Variants in SBK1 observed in about 807,000 individuals in gnomAD.
SBK1 encodes SH3 domain binding kinase 1.
In SBK1, 11 loss-of-function variants were observed where a neutral mutation model predicts 24.4. The observed-to-expected ratio is 0.45, with a 90% CI of 0.28 to 0.75. The LOEUF (loss-of-function observed/expected upper bound fraction) is 0.75, where lower values mean the gene tolerates loss of function less well. SBK1 is among the 30% of genes least tolerant of loss of function. The probability of loss-of-function intolerance (pLI) is 0.12; values close to 1 mark genes in which losing one functional copy is unlikely to be tolerated. For missense variants in SBK1, 467 were observed against 620.5 expected, an observed-to-expected ratio of 0.75 and a Z score of 2.63; for synonymous variants, 308 against 284.4, an observed-to-expected ratio of 1.08 and a Z score of -0.83.
chr16:28,310,041 G>C (rs1402861492), intron 1 of SBK1, among the ~76,000 whole-genome samples: 1 of 152,212 alleles, frequency 6.6e-6, no homozygotes, highest in Non-Finnish European at 1.5e-5. Flanking sequence ...CTTGCTTCTT[G>C]CTTGGGAAAC....
chr16:28,272,619 C>CTTT lies in SBK1; in HGVS notation c.257+13135_257+13137dup, dbSNP rs71140961. On this transcript the variant is annotated intron_variant, in intron 1 of 3. Coordinates refer to the SBK1 transcript ENST00000671413. ...ATTTTTTTTCTTTCTTTCTTTCTTT[C>CTTT]TTTTTTTTTTTTTTTTTTTTGAGAC... is the stretch of plus-strand genomic sequence containing the variant. Among the ~76,000 whole-genome samples, 401 of 105,962 alleles carry CTTT rather than the reference C, an allele frequency of 3.8e-3. 8 individuals are homozygous for CTTT. The highest frequency in any genetic ancestry group is 8.8e-3 in the African/African-American group (253 of 28,600). 69.5% of individuals were successfully genotyped at this position (105,962 alleles called of 152,430 possible). A position where few individuals can be genotyped will look rare whatever the true frequency, so the allele number is the denominator to read the frequency against.
At chr16:28,318,267 T>C (rs138636323) in intron 2 of SBK1, among the ~76,000 whole-genome samples, 3,173 of 152,282 alleles carry the variant, frequency 0.021, 71 homozygotes, top group African/African-American at 0.05. Flanking sequence ...GCTGGGGCTG[T>C]GTGAGCTCCC....
chr16:28,280,392 A>T (rs1386814888), intron 1 of SBK1, among the ~76,000 whole-genome samples: 1 of 148,610 alleles, frequency 6.7e-6, no homozygotes, highest in Non-Finnish European at 1.5e-5. Context: ...ATGGGATCTC[A>T]CTATGTTGCC....
intron 1 of SBK1, among the ~76,000 whole-genome samples, chr16:28,275,582 G>C (rs765174387): frequency 6.6e-6 from 1 of 151,896 alleles, no homozygotes; most frequent in Non-Finnish European, 1.5e-5. Flanking sequence ...GAAAGTCCTG[G>C]AAAAAGAATG....
chr16:28,296,894 C>T (rs554967478), intron 1 of SBK1, among the ~76,000 whole-genome samples: 1 of 152,296 alleles, frequency 6.6e-6, no homozygotes, highest in East Asian at 1.9e-4. Flanking sequence ...TCCAGGGTTC[C>T]GTTCACCCCT....
At chr16:28,304,650 C>G (rs1165694105) in intron 1 of SBK1, among the ~76,000 whole-genome samples, 1 of 152,100 alleles carries the variant, frequency 6.6e-6, no homozygotes, top group Non-Finnish European at 1.5e-5. Flanking sequence ...CTCTGTCGCC[C>G]AGGCTGGAGT....
In SBK1 at chr16:28,320,810, T is replaced by A. The variant is rs1567681837; in HGVS notation, c.1164T>A (p.Pro388=). 1 of 1,442,514 alleles carries A rather than the reference T, an allele frequency of 6.9e-7. No individual in the cohort carries two copies. Among genetic ancestry groups the A allele is most frequent in the East Asian group, 3.3e-5 (1 of 29,944 alleles). The allele number at this position is 1,442,514 out of a possible 1,614,324, so 89.4% of individuals were successfully genotyped here. ...PVPVPVPVPV[P]VPEPGLAPQG... is the part of the protein sequence containing the mutation. ...CGGTGCCAGTGCCCGTGCCGGTGCC[T>A]GTGCCCGAGCCCGGCCTAGCTCCCC... Residue 388 remains proline (P), a synonymous_variant, in exon 4 of 4, where the codon CCT becomes CCA. Transcript: ENST00000341901. This position sits in a 1 kb window ranked among gnomAD's most constrained non-coding sequence, Gnocchi z 8.5.
intron 1 of SBK1, among the ~76,000 whole-genome samples, chr16:28,287,454 A>T (rs1466206518): frequency 6.6e-6 from 1 of 151,744 alleles, no homozygotes; most frequent in East Asian, 1.9e-4. Context: ...ATCTCAAAAA[A>T]AAAAAAAAAA....
chr16:28,271,493 G>A (rs185112208), intron 1 of SBK1, among the ~76,000 whole-genome samples: 1 of 152,252 alleles, frequency 6.6e-6, no homozygotes, highest in Non-Finnish European at 1.5e-5. Flanking sequence ...GGAGGCGGAG[G>A]TTGCAGTGAG....
chr16:28,271,937 G>A (rs1205049511), intron 1 of SBK1, among the ~76,000 whole-genome samples: 5 of 152,134 alleles, frequency 3.3e-5, no homozygotes, highest in Admixed American at 1.3e-4. Flanking sequence ...AGTGCTCCTT[G>A]GTATTTACCC....
At chr16:28,291,067 T>A (rs1461039026), upstream of SBK1, 1 of 152,178 alleles carries the variant, frequency 6.6e-6, no homozygotes, top group Non-Finnish European at 1.5e-5. Context: ...GGTACTTGCG[T>A]TTGCAATCCC....
At chr16:28,299,127 C>T (rs1239622191) in intron 1 of SBK1, among the ~76,000 whole-genome samples, 4 of 152,168 alleles carry the variant, frequency 2.6e-5, no homozygotes, top group Admixed American at 6.5e-5. Context: ...AAAACGCAAT[C>T]CCTAGATTCA....
chr16:28,270,997 G>A (rs28853397), intron 1 of SBK1, among the ~76,000 whole-genome samples: 6,039 of 151,916 alleles, frequency 0.04, 398 homozygotes, highest in African/African-American at 0.14. Context: ...CCGAGTAGCT[G>A]GGACTACAGG....
chr16:28,301,564 C>T (rs1567676960), intron 1 of SBK1, among the ~76,000 whole-genome samples: 2 of 152,240 alleles, frequency 1.3e-5, no homozygotes, highest in Non-Finnish European at 2.9e-5. Flanking sequence ...CTCCCAGGCT[C>T]CTCATGTGGG....
intron 1 of SBK1, among the ~76,000 whole-genome samples, chr16:28,300,514 G>A (rs2044671786): frequency 3.3e-5 from 5 of 151,992 alleles, no homozygotes; most frequent in Admixed American, 3.3e-4. Context: ...TATAGAAATG[G>A]GGTCTTGCTA....
rs1196981626 is a variant in SBK1, at chr16:28,317,937, G to A, written c.226+320G>A. Among the ~76,000 whole-genome samples the A allele has an allele frequency of 6.6e-6, 1 of 152,142 alleles. No homozygotes were observed. The highest frequency in any genetic ancestry group is 2.4e-5 in the African/African-American group (1 of 41,420). ...TCTGGGGAGGGCAGGGCTGCCGGCT[G>A]TGTCTGAGTATCACCAGCGTCTCAG... On this transcript the variant is annotated intron_variant, in intron 2 of 3. Coordinates refer to ENST00000341901, the MANE Select transcript of SBK1 (RefSeq NM_001024401.3). This position sits in a 1 kb window ranked among gnomAD's most constrained non-coding sequence, Gnocchi z 4.2.
intron 1 of SBK1, among the ~76,000 whole-genome samples, chr16:28,277,221 C>A (rs2044499000): frequency 6.6e-6 from 1 of 151,764 alleles, no homozygotes; most frequent in African/African-American, 2.4e-5. Context: ...AGGTTTGTAC[C>A]CCACAAACTT....
At chr16:28,294,405 C>G (rs536325506) in intron 1 of SBK1, among the ~76,000 whole-genome samples, 2 of 152,276 alleles carry the variant, frequency 1.3e-5, no homozygotes, top group East Asian at 1.9e-4. Flanking sequence ...AACTGAGGCT[C>G]GGGAAGGCAG....
upstream of SBK1, chr16:28,291,007 CCT>C (rs1235982975): frequency 6.6e-6 from 1 of 152,242 alleles, no homozygotes; most frequent in Non-Finnish European, 1.5e-5. Context: ...TCTTCTCCAC[CCT>C]CTCTATCACT....
Sources: allele counts gnomAD v4.1 joint callset (sites outside exome capture counted in the v4.1 genomes callset), GRCh38; gene constraint gnomAD v4.1.1; non-coding constraint Gnocchi (gnomAD v3.1); transcripts MANE v1.5; gene names NCBI Gene and HGNC (gene_info 2026-07-23, HGNC 2026-07-21).